PLA2G4E: variants seen among roughly 807,000 people sequenced by gnomAD.
PLA2G4E encodes cytosolic phospholipase A2 epsilon.
A neutral mutation model predicts 109.1 loss-of-function variants in PLA2G4E; 84 were observed. The observed-to-expected ratio is 0.77, with a 90% confidence interval of 0.65 to 0.92. PLA2G4E has a LOEUF of 0.92. Among genes scored for constraint, PLA2G4E ranks in the 40% least tolerant of loss-of-function variants. The pLI, the probability that PLA2G4E is intolerant of heterozygous loss-of-function variation, is 0.00. For synonymous variants in PLA2G4E, 469 were observed against 436.1 expected (o/e 1.08, Z -0.94); for missense variants, 1,057 against 1,076.6 (o/e 0.98, Z 0.25).
At chr15:41,988,849 G>A (rs556312284) in intron 15 of PLA2G4E, among the ~76,000 whole-genome samples, 1 of 152,342 alleles carries the variant, frequency 6.6e-6, no homozygotes, top group Non-Finnish European at 1.5e-5. Flanking sequence ...GGATGGGTTG[G>A]TTTGGGATAG....
intron 13 of PLA2G4E, 75 bp from the exon 14 acceptor site, chr15:41,990,310 A>G: frequency 7.6e-7 from 1 of 1,320,872 alleles, no homozygotes; most frequent in Non-Finnish European, 1.1e-6. Flanking sequence ...TGAGAAGACA[A>G]TCTGGACCCC....
At position 42,040,203 on chromosome 15, in the gene PLA2G4E, C is replaced by T. The variant is rs528763393; in HGVS notation, c.183+10318G>A. Among the ~76,000 whole-genome samples, 15 of 151,846 alleles carry T rather than the reference C, an allele frequency of 9.9e-5. No individual in the cohort carries two copies. The East Asian group carries it at 1.4e-3, about 14-fold the overall frequency. On this transcript the variant is annotated intron_variant, in intron 1 of 19. Transcript: ENST00000399518. ...CAAAACTTTAAAACACACACACACA[C>T]GCACACACACACACCTACACACACA...
Position 42,021,477 on chromosome 15 carries a change from C to G in PLA2G4E, c.184-7720G>C, listed in dbSNP as rs549331375. 2.0e-5 allele frequency among the ~76,000 whole-genome samples: 3 copies of G among 148,426 alleles called. No individual in the cohort carries two copies. The East Asian group carries it at 6.7e-4, about 33-fold the overall frequency. ...GTTTCATGGCTTGGTACCCCAGGAG[C>G]TGTGGCCAGGGACCTTCATGGGGTC... On this transcript the variant is annotated intron_variant, in intron 1 of 19. Coordinates refer to ENST00000399518, the Ensembl canonical transcript of PLA2G4E.
chr15:41,993,111 G>A (rs1171858980), intron 12 of PLA2G4E, among the ~76,000 whole-genome samples, 152 bp from the exon 13 acceptor site: 1 of 152,244 alleles, frequency 6.6e-6, no homozygotes, highest in Non-Finnish European at 1.5e-5. Flanking sequence ...AGACCTGGCA[G>A]ACAGTGAGGA....
intron 2 of PLA2G4E, 68 bp from the exon 3 acceptor site, chr15:42,007,933 C>T: frequency 6.6e-7 from 1 of 1,508,480 alleles, no homozygotes; most frequent in Non-Finnish European, 9.0e-7. Context: ...AAGGGAACTT[C>T]AGGCAAGCCT....
chr15:42,005,093 C>T, intron 4 of PLA2G4E, 115 bp from the exon 5 acceptor site: 1 of 1,223,098 alleles, frequency 8.2e-7, no homozygotes, highest in African/African-American at 1.5e-5. Flanking sequence ...TCCCCCACAG[C>T]TGCCTGCTGC....
At chr15:42,016,096 T>G (rs2068591664) in intron 1 of PLA2G4E, among the ~76,000 whole-genome samples, 1 of 152,202 alleles carries the variant, frequency 6.6e-6, no homozygotes, top group Non-Finnish European at 1.5e-5. Context: ...CTACTCCGTG[T>G]TGCCAGAATC....
At chr15:42,010,236 C>G in intron 2 of PLA2G4E, 1 of 477,144 alleles carries the variant, frequency 2.1e-6, no homozygotes, top group South Asian at 1.7e-5. Context: ...CTGTAATGCA[C>G]TTGGCGCGCA....
At chr15:41,988,410 C>G (rs555843043) in intron 15 of PLA2G4E, among the ~76,000 whole-genome samples, 1 of 152,222 alleles carries the variant, frequency 6.6e-6, no homozygotes, top group East Asian at 1.9e-4. Flanking sequence ...GGCACAGCCC[C>G]GGCAGGGATT....
At chr15:41,990,458 C>T (rs2068225267) in intron 13 of PLA2G4E, among the ~76,000 whole-genome samples, 1 of 152,134 alleles carries the variant, frequency 6.6e-6, no homozygotes, top group Admixed American at 6.5e-5. Context: ...GGGGCCGGGA[C>T]TGGATCCGCA....
chr15:42,004,294 G>A (rs1370563035), intron 5 of PLA2G4E, among the ~76,000 whole-genome samples: 1 of 72,670 alleles, frequency 1.4e-5, no homozygotes, highest in African/African-American at 1.2e-4. Flanking sequence ...AGAGTGAGAC[G>A]AAAGAAAGAA....
intron 14 of PLA2G4E, among the ~76,000 whole-genome samples, 160 bp from the exon 15 acceptor site, chr15:41,989,712 G>A (rs2068211651): frequency 6.6e-6 from 1 of 152,216 alleles, no homozygotes; most frequent in South Asian, 2.1e-4. Flanking sequence ...CCCTTGGCCA[G>A]CTTCTGCTGG....
chr15:42,001,933 T>A, intron 6 of PLA2G4E, among the ~76,000 whole-genome samples: 1 of 152,138 alleles, frequency 6.6e-6, no homozygotes, highest in East Asian at 1.9e-4. Context: ...GCTCAAGTGA[T>A]CCCCCAACCT....
intron 11 of PLA2G4E, among the ~76,000 whole-genome samples, chr15:41,996,350 G>GAAAAAAAAAAAA (rs34559872): frequency 1.6e-4 from 12 of 75,104 alleles, no homozygotes; most frequent in African/African-American, 5.6e-4. Context: ...CCTGTCTCAA[G>GAAAAAAAAAAAA]AAAAAAAAAA....
intron 1 of PLA2G4E, among the ~76,000 whole-genome samples, chr15:42,045,484 C>A (rs946473912): frequency 6.6e-6 from 1 of 152,116 alleles, no homozygotes; most frequent in Non-Finnish European, 1.5e-5. Flanking sequence ...ACGGCAGTGC[C>A]GGGGGATGAA....
exon 20 of PLA2G4E, chr15:41,983,063 G>A (rs1163780943): frequency 6.6e-6 from 1 of 152,340 alleles, no homozygotes; most frequent in Non-Finnish European, 1.5e-5. Context: ...GAGGCAGGTG[G>A]ATCACCTGAG....
At chr15:42,002,689 G>T (rs773073799) in exon 6 of PLA2G4E, 4 of 1,579,790 alleles carry the variant, frequency 2.5e-6, no homozygotes, top group Non-Finnish European at 1.7e-6. Flanking sequence ...GTCTCAGGTG[G>T]AGAGGGACTG....
chr15:42,019,005 C>T (rs1392946877), intron 1 of PLA2G4E, among the ~76,000 whole-genome samples: 1 of 152,196 alleles, frequency 6.6e-6, no homozygotes, highest in Non-Finnish European at 1.5e-5. Flanking sequence ...TCTAACCTTC[C>T]AACCACCGCC....
At chr15:42,006,463 C>T (rs565314612) in intron 3 of PLA2G4E, among the ~76,000 whole-genome samples, 1 of 152,180 alleles carries the variant, frequency 6.6e-6, no homozygotes, top group East Asian at 1.9e-4. Context: ...CAAGCAAGAC[C>T]CCTGCCAGGA....
Sources: gnomAD v4.1 joint callset for allele counts (sites outside exome capture counted in the v4.1 genomes callset) on GRCh38, gnomAD v4.1.1 for gene constraint, MANE v1.5 for transcripts, NCBI Gene and HGNC (gene_info 2026-07-23, HGNC 2026-07-21) for gene names.